Variants in RASGRP3 observed in about 807,000 individuals in gnomAD.
The protein encoded by RASGRP3 is RAS guanyl releasing protein 3.
RASGRP3 carries 54 observed loss-of-function variants against 82.7 expected under a neutral mutation model. The observed-to-expected ratio is 0.65, with a 90% confidence interval of 0.52 to 0.82. RASGRP3 has a LOEUF of 0.82. Among genes scored for constraint, RASGRP3 ranks in the 40% least tolerant of loss-of-function variants. RASGRP3 has a pLI of 0.00. For synonymous variants in RASGRP3, 309 were observed against 300.5 expected (o/e 1.03, Z -0.29); for missense variants, 861 against 828.9 (o/e 1.04, Z -0.48).
In RASGRP3 at chr2:33,499,007, G is replaced by T. The variant is rs1327673411; in HGVS notation, c.-260-12703G>T. 2.0e-5 allele frequency among the ~76,000 whole-genome samples: 3 copies of T among 152,120 alleles called. No individual in the cohort carries two copies. In the East Asian group the frequency reaches 5.8e-4, roughly 29 times the overall value. ...TTAACAATCTGTAATACTAAAAATTGGGAAGCATATCTTGAAATTCCACTA... is the reference window on the plus strand; with the variant it reads ...TTAACAATCTGTAATACTAAAAATTTGGAAGCATATCTTGAAATTCCACTA... On this transcript the variant is annotated intron_variant, in intron 1 of 17. Transcript: ENST00000403687.
chr2:33,487,956 C>G (rs1171150671), intron 1 of RASGRP3, among the ~76,000 whole-genome samples: 5 of 152,150 alleles, frequency 3.3e-5, no homozygotes, highest in Admixed American at 6.5e-5. Flanking sequence ...CTAAACATTT[C>G]ATCACGTATA....
chr2:33,511,867 A>G (rs1197570010), intron 2 of RASGRP3, 25 bp downstream of exon 2: 4 of 152,684 alleles, frequency 2.6e-5, no homozygotes, highest in Non-Finnish European at 5.9e-5. Context: ...AAATTGTCAT[A>G]AATTATGTAA....
intron 2 of RASGRP3, among the ~76,000 whole-genome samples, chr2:33,470,378 G>T (rs1184876436): frequency 9.2e-6 from 1 of 109,268 alleles, no homozygotes; most frequent in African/African-American, 3.7e-5. Flanking sequence ...CTATAACTAA[G>T]AATTTTTTTT....
chr2:33,466,960 C>T (rs142072041), intron 2 of RASGRP3, among the ~76,000 whole-genome samples: 2 of 151,924 alleles, frequency 1.3e-5, no homozygotes, highest in Admixed American at 6.6e-5. Flanking sequence ...GTCAACCTCA[C>T]GAAAAGTCAT....
intron 9 of RASGRP3, among the ~76,000 whole-genome samples, chr2:33,525,726 A>AAAAAC (rs1553354884): frequency 1.5e-5 from 2 of 134,676 alleles, no homozygotes; most frequent in Non-Finnish European, 1.6e-5. Flanking sequence ...AAAAAAAAAA[A>AAAAAC]ACTAGCCAGG....
chr2:33,560,758 C>T (rs938822251), intron 17 of RASGRP3, among the ~76,000 whole-genome samples: 5 of 152,226 alleles, frequency 3.3e-5, no homozygotes, highest in African/African-American at 1.2e-4. Flanking sequence ...TGGCGCCCAC[C>T]TTGTGGGCAT....
intron 14 of RASGRP3, among the ~76,000 whole-genome samples, chr2:33,554,868 C>T (rs1457460631): frequency 6.6e-6 from 1 of 152,184 alleles, no homozygotes; most frequent in African/African-American, 2.4e-5. Context: ...AACGCTCCCT[C>T]GTGGAACTGC....
chr2:33,497,630 T>C (rs1053524372), intron 1 of RASGRP3, among the ~76,000 whole-genome samples: 1 of 152,224 alleles, frequency 6.6e-6, no homozygotes, highest in Non-Finnish European at 1.5e-5. Flanking sequence ...ATTGGTCTAT[T>C]ACTGACATTT....
intron 1 of RASGRP3, among the ~76,000 whole-genome samples, chr2:33,437,900 C>T (rs1665010886): frequency 6.6e-6 from 1 of 151,952 alleles, no homozygotes; most frequent in African/African-American, 2.4e-5. Flanking sequence ...ACAAACAAAC[C>T]CTCAGCATTT....
chr2:33,554,058 A>G (rs1302565526), intron 14 of RASGRP3, among the ~76,000 whole-genome samples: 2 of 152,140 alleles, frequency 1.3e-5, no homozygotes, highest in Non-Finnish European at 2.9e-5. Context: ...TTTAATATGT[A>G]TTCTGAAGGA....
intron 8 of RASGRP3, 132 bp from the exon 9 acceptor site, chr2:33,524,300 G>T: frequency 1.4e-6 from 1 of 723,894 alleles, no homozygotes; most frequent in Non-Finnish European, 2.3e-6. Context: ...TTCTATTTGT[G>T]CTTCATTTTA....
rs144084805 is a variant in RASGRP3 at position 33,445,621 on chromosome 2, T to C, written c.-384-2199T>C. ...CGAAATTATTACAATGTATTTATAATATATTATTTATTCTAAACATGTATG... is the reference window on the plus strand; with the variant it reads ...CGAAATTATTACAATGTATTTATAACATATTATTTATTCTAAACATGTATG... On this transcript the variant is annotated intron_variant, in intron 1 of 18. Transcript: ENST00000402538. 2.1e-4 allele frequency among the ~76,000 whole-genome samples: 32 copies of C among 152,132 alleles called. No individual in the cohort carries two copies. The East Asian group carries it at 6.0e-3, about 28-fold the overall frequency.
intron 1 of RASGRP3, among the ~76,000 whole-genome samples, chr2:33,444,605 A>T (rs1002274244): frequency 6.6e-6 from 1 of 152,176 alleles, no homozygotes; most frequent in Admixed American, 6.5e-5. Context: ...AGATATTGCT[A>T]CCTTTTCTGT....
intron 2 of RASGRP3, among the ~76,000 whole-genome samples, chr2:33,466,607 A>G (rs981484606): frequency 6.6e-6 from 1 of 151,252 alleles, no homozygotes; most frequent in Non-Finnish European, 1.5e-5. Flanking sequence ...TGAACCTGGG[A>G]GGTGGAGGTT....
intron 1 of RASGRP3, among the ~76,000 whole-genome samples, chr2:33,447,592 T>C (rs1665573418): frequency 6.6e-6 from 1 of 152,068 alleles, no homozygotes; most frequent in African/African-American, 2.4e-5. Context: ...TGCACCACCA[T>C]GCCTGGCTAA....
At chr2:33,534,192 T>C (rs1673374747) in intron 10 of RASGRP3, 131 bp from the exon 11 acceptor site, 2 of 656,846 alleles carry the variant, frequency 3.0e-6, no homozygotes, top group African/African-American at 3.7e-5. Flanking sequence ...CGTGCCGTCT[T>C]TTTATTGTTC....
chr2:33,557,603 G>A (rs377444864), intron 15 of RASGRP3, among the ~76,000 whole-genome samples: 10 of 151,904 alleles, frequency 6.6e-5, no homozygotes, highest in Admixed American at 3.9e-4. Flanking sequence ...CCAGCTACTC[G>A]GGAGGCTGAG....
intron 11 of RASGRP3, among the ~76,000 whole-genome samples, chr2:33,537,318 A>ACCCC (rs1553359062): frequency 2.5e-5 from 1 of 40,608 alleles, no homozygotes; most frequent in African/African-American, 1.9e-4. Flanking sequence ...ACACACACAC[A>ACCCC]CACCGCCCCC....
At chr2:33,519,303 A>G (rs1671774692) in intron 4 of RASGRP3, among the ~76,000 whole-genome samples, 1 of 152,226 alleles carries the variant, frequency 6.6e-6, no homozygotes, top group Non-Finnish European at 1.5e-5. Context: ...AATCCTAAAT[A>G]CAAAATCTTT....
Sources: allele counts gnomAD v4.1 joint callset (sites outside exome capture counted in the v4.1 genomes callset), GRCh38; gene constraint gnomAD v4.1.1; transcripts MANE v1.5; gene names NCBI Gene and HGNC (gene_info 2026-07-23, HGNC 2026-07-21).